The following CMSS1 variants were observed in gnomAD, a reference collection of about 807,000 sequenced individuals.
CMSS1 encodes cms1 ribosomal small subunit homolog, also known as protein CMSS1.
Under a neutral mutation model 43.5 loss-of-function variants are expected in CMSS1, and 33 were observed. That is an observed-to-expected ratio of 0.76 (90% CI 0.57 to 1.01). CMSS1 has a LOEUF of 1.01. Ranked by LOEUF, CMSS1 falls within the 50% of genes least tolerant of loss-of-function variation. The pLI is 0.00. For synonymous variants in CMSS1, 115 were observed against 117.2 expected (o/e 0.98, Z 0.12); for missense variants, 313 against 326.4 (o/e 0.96, Z 0.32).
At chr3:100,030,224 G>A (rs2065000721) in intron 1 of CMSS1, among the ~76,000 whole-genome samples, 1 of 151,962 alleles carries the variant, frequency 6.6e-6, no homozygotes, top group Non-Finnish European at 1.5e-5. Context: ...CTCTTTTTGG[G>A]CATTTTGACT....
chr3:99,859,274 C>A (rs1051990978), intron 1 of CMSS1, among the ~76,000 whole-genome samples: 2 of 152,178 alleles, frequency 1.3e-5, no homozygotes, highest in African/African-American at 4.8e-5. Context: ...TTTGTCAGTT[C>A]TTTTTTCCCC....
chr3:100,176,396 GA>G lies in CMSS1; in HGVS notation c.739del (p.Met247Ter). The G allele has an allele frequency of 6.2e-7, 1 of 1,613,064 alleles. No homozygotes were observed. The highest frequency in any genetic ancestry group is 8.5e-7 in the Non-Finnish European group (1 of 1,179,130). On this transcript the variant is annotated frameshift_variant, in exon 9 of 10. Transcript: ENST00000421999. LOFTEE classifies it high-confidence loss of function. ...AACTGGAGAGATCAGAAGTTGAGGAGAATGATGGACATTCCCGAGGTACCAC... is the reference window on the plus strand; with the variant it reads ...AACTGGAGAGATCAGAAGTTGAGGAGATGATGGACATTCCCGAGGTACCAC... ...DWNWRDQKLR[R>X]MMDIPEIRKE...
intron 1 of CMSS1, among the ~76,000 whole-genome samples, chr3:99,824,132 A>G (rs1253189911): frequency 6.6e-6 from 1 of 152,024 alleles, no homozygotes; most frequent in African/African-American, 2.4e-5. Context: ...CATGTTGACC[A>G]GGCTGATCTC....
At chr3:99,996,658 T>A (rs1709692169) in intron 1 of CMSS1, among the ~76,000 whole-genome samples, 1 of 151,918 alleles carries the variant, frequency 6.6e-6, no homozygotes, top group Non-Finnish European at 1.5e-5. Context: ...AGAATCATAG[T>A]GGGAGGCAAA....
intron 1 of CMSS1, among the ~76,000 whole-genome samples, chr3:99,837,045 T>C (rs879338534): frequency 6.6e-6 from 1 of 152,238 alleles, no homozygotes; most frequent in African/African-American, 2.4e-5. Context: ...TTGTTCTCCC[T>C]AGTCTTCTCA....
chr3:99,873,556 A>AG (rs1228338209), intron 1 of CMSS1, among the ~76,000 whole-genome samples: 2 of 152,188 alleles, frequency 1.3e-5, no homozygotes, highest in Admixed American at 6.5e-5. Flanking sequence ...CTGAAGCACT[A>AG]GACATGGACA....
intron 1 of CMSS1, among the ~76,000 whole-genome samples, chr3:99,860,741 G>A (rs1229404615): frequency 1.3e-5 from 2 of 152,308 alleles, no homozygotes; most frequent in East Asian, 1.9e-4. Flanking sequence ...ACTGACAGGG[G>A]AGTGACAACA....
At chr3:99,880,061 T>C (rs896293191) in intron 1 of CMSS1, among the ~76,000 whole-genome samples, 1 of 152,170 alleles carries the variant, frequency 6.6e-6, no homozygotes, top group Non-Finnish European at 1.5e-5. Context: ...TCCGATCCTG[T>C]GCTTCTACTC....
At chr3:99,864,057 T>C (rs549167893) in intron 1 of CMSS1, among the ~76,000 whole-genome samples, 8 of 152,368 alleles carry the variant, frequency 5.3e-5, no homozygotes, top group African/African-American at 1.9e-4. Context: ...GTAGGATCTA[T>C]TTTTAATGGA....
intron 1 of CMSS1, among the ~76,000 whole-genome samples, chr3:99,944,243 A>G (rs1163792635): frequency 6.6e-6 from 1 of 152,172 alleles, no homozygotes; most frequent in Non-Finnish European, 1.5e-5. Flanking sequence ...AGCTGAAGAA[A>G]TTGGGATTTG....
At chr3:100,129,272 C>T (rs1049900633) in intron 1 of CMSS1, among the ~76,000 whole-genome samples, 1 of 152,152 alleles carries the variant, frequency 6.6e-6, no homozygotes, top group African/African-American at 2.4e-5. Context: ...AGTAGGTGCC[C>T]ATTAGATTTT....
intron 1 of CMSS1, among the ~76,000 whole-genome samples, chr3:99,834,455 G>T (rs570945165): frequency 6.6e-6 from 1 of 152,242 alleles, no homozygotes; most frequent in East Asian, 1.9e-4. Context: ...CAGCAGTGGG[G>T]GCAATCCAAG....
intron 1 of CMSS1, among the ~76,000 whole-genome samples, chr3:99,944,873 A>T (rs1707962168): frequency 6.6e-6 from 1 of 152,204 alleles, no homozygotes; most frequent in Admixed American, 6.5e-5. Context: ...AAAAACATAG[A>T]TCACCAGGGA....
chr3:100,136,743 A>T (rs373396873), intron 1 of CMSS1, among the ~76,000 whole-genome samples: 21 of 152,334 alleles, frequency 1.4e-4, no homozygotes, highest in African/African-American at 5.1e-4. Flanking sequence ...AGGCATTCTG[A>T]ATAATTAGAG....
At chr3:100,009,131 A>T (rs532706317) in intron 1 of CMSS1, among the ~76,000 whole-genome samples, 59 of 152,320 alleles carry the variant, frequency 3.9e-4, no homozygotes, top group African/African-American at 1.3e-3. Context: ...CCGAATGAGA[A>T]TTCAAATTGA....
At chr3:100,104,370 T>G (rs2066359262) in intron 1 of CMSS1, among the ~76,000 whole-genome samples, 1 of 152,236 alleles carries the variant, frequency 6.6e-6, no homozygotes, top group African/African-American at 2.4e-5. Flanking sequence ...TCTTTGTTTA[T>G]TCAATAACTC....
intron 4 of CMSS1, among the ~76,000 whole-genome samples, chr3:100,163,806 G>A (rs1031587386): frequency 2.0e-5 from 3 of 152,156 alleles, no homozygotes; most frequent in South Asian, 2.1e-4. Context: ...AACCATAAAA[G>A]TTTGGGTACA....
At chr3:99,937,960 A>G (rs1707733103) in intron 1 of CMSS1, among the ~76,000 whole-genome samples, 1 of 152,252 alleles carries the variant, frequency 6.6e-6, no homozygotes, top group Non-Finnish European at 1.5e-5. Context: ...GTAAAGGTGA[A>G]TTAAGGTGGA....
rs1207177358 is a variant in CMSS1, at chr3:100,178,992, C to G, written c.*604C>G. The G allele has an allele frequency of 1.3e-5, 2 of 158,168 alleles. No individual in the cohort carries two copies. The allele number at this position is 158,168 out of a possible 1,614,324, so 9.8% of individuals were successfully genotyped here. A position where few individuals can be genotyped will look rare whatever the true frequency, so the allele number is the denominator to read the frequency against. On this transcript the variant is annotated 3_prime_UTR_variant, in exon 10 of 10. Transcript: ENST00000421999. ...AACTTGGCAGAAGGTGAAGGGGAAG[C>G]AAGCACATCTTCACATGGCGACAAG...
Sources: allele counts gnomAD v4.1 joint callset (sites outside exome capture counted in the v4.1 genomes callset), GRCh38; gene constraint gnomAD v4.1.1; transcripts MANE v1.5; gene names NCBI Gene and HGNC (gene_info 2026-07-23, HGNC 2026-07-21).